The following VRK2 variants were observed in gnomAD, a reference collection of about 807,000 sequenced individuals.
The protein encoded by VRK2 is serine/threonine-protein kinase VRK2.
VRK2 carries 60 observed loss-of-function variants against 57.6 expected under a neutral mutation model. That is an observed-to-expected ratio of 1.04 (90% CI 0.85 to 1.29). The LOEUF is 1.29. Ranked by LOEUF, VRK2 falls within the 50% of genes most tolerant of loss-of-function variation. The probability of loss-of-function intolerance (pLI) is 0.00; values close to 1 mark genes in which losing one functional copy is unlikely to be tolerated. For missense variants in VRK2, 705 were observed against 588.1 expected, an observed-to-expected ratio of 1.20 and a Z score of -2.06; for synonymous variants, 231 against 199.2, an observed-to-expected ratio of 1.16 and a Z score of -1.35.
chr2:57,987,613 C>T (rs763916129), intron 1 of VRK2, among the ~76,000 whole-genome samples: 3 of 152,108 alleles, frequency 2.0e-5, no homozygotes, highest in Non-Finnish European at 4.4e-5. Context: ...ATAAATTAAA[C>T]ATACACGAAC....
intron 7 of VRK2, among the ~76,000 whole-genome samples, chr2:58,114,971 A>G (rs968029637): frequency 6.6e-6 from 1 of 152,142 alleles, no homozygotes; most frequent in Non-Finnish European, 1.5e-5. Context: ...CTGGAGCTTG[A>G]TGTGTAGGGA....
intron 5 of VRK2, 96 bp downstream of exon 5, chr2:58,086,522 A>T: frequency 9.4e-7 from 1 of 1,061,748 alleles, no homozygotes; most frequent in Non-Finnish European, 1.3e-6. Flanking sequence ...ACCAAAACAT[A>T]TTGGCATATA....
At chr2:57,911,038 CTT>C (rs200652554) in intron 1 of VRK2, among the ~76,000 whole-genome samples, 60 of 142,092 alleles carry the variant, frequency 4.2e-4, no homozygotes, top group African/African-American at 6.6e-4. Flanking sequence ...TTTTTTGGGT[CTT>C]TTTTTTTTTT....
At chr2:58,080,590 T>C (rs1386335297) in intron 2 of VRK2, among the ~76,000 whole-genome samples, 2 of 151,906 alleles carry the variant, frequency 1.3e-5, no homozygotes, top group African/African-American at 4.8e-5. Context: ...ACCATTCCTT[T>C]TGTGATTAGG....
rs1045413299 is a variant in VRK2 at position 58,137,266 on chromosome 2, T to G, written c.856+2067T>G. On this transcript the variant is annotated intron_variant, in intron 10 of 12. Coordinates refer to ENST00000340157, the MANE Select transcript of VRK2 (RefSeq NM_006296.7). ...TCATATATATGATATATATGATATA[T>G]ATGTGTTTGTATATATATCTCTTAC... Among the ~76,000 whole-genome samples, 158 of 111,322 alleles carry G rather than the reference T, an allele frequency of 1.4e-3. 2 individuals carry two copies. Among genetic ancestry groups the G allele is most frequent in the Non-Finnish European group, 8.5e-4 (45 of 52,760 alleles). 73.0% of individuals were successfully genotyped at this position (111,322 alleles called of 152,430 possible).
intron 1 of VRK2, among the ~76,000 whole-genome samples, chr2:57,984,548 A>G (rs1016882682): frequency 1.3e-5 from 2 of 152,106 alleles, no homozygotes; most frequent in Admixed American, 6.5e-5. Context: ...TAAAAGTTTG[A>G]TAAAATGCAA....
chr2:57,955,188 G>A (rs1174076746), intron 1 of VRK2, among the ~76,000 whole-genome samples: 2 of 152,084 alleles, frequency 1.3e-5, no homozygotes, highest in Admixed American at 6.6e-5. Context: ...ATTTGAACAA[G>A]ATTAATTTAA....
At chr2:58,082,618 T>G (rs1671051116) in intron 2 of VRK2, among the ~76,000 whole-genome samples, 1 of 139,794 alleles carries the variant, frequency 7.2e-6, no homozygotes, top group South Asian at 2.1e-4. Flanking sequence ...GTGTATACTT[T>G]CTTAAGTTTT....
intron 1 of VRK2, among the ~76,000 whole-genome samples, chr2:57,964,843 G>T (rs771478630): frequency 1.7e-4 from 20 of 120,626 alleles, no homozygotes; most frequent in Admixed American, 2.4e-4. Flanking sequence ...TTGCACCACT[G>T]CACTCCAGCC....
chr2:57,984,375 T>C (rs1437471202), intron 1 of VRK2, among the ~76,000 whole-genome samples: 1 of 152,116 alleles, frequency 6.6e-6, no homozygotes, highest in Non-Finnish European at 1.5e-5. Flanking sequence ...GTTTTAAGTA[T>C]GTTAAGAGAA....
chr2:57,993,725 G>A (rs1233610192), intron 1 of VRK2, among the ~76,000 whole-genome samples: 1 of 152,156 alleles, frequency 6.6e-6, no homozygotes, highest in Non-Finnish European at 1.5e-5. Context: ...ACCTCTCTCT[G>A]GGGATGCTTC....
In VRK2 at chr2:58,137,201, T is replaced by TATGATA. The variant is rs1558687059; in HGVS notation, c.856+2002_856+2003insATGATA. ...ATATATCATATATGATACATATATA[T>TATGATA]CTCATATATGATACATATATATCAT... On this transcript the variant is annotated intron_variant, in intron 10 of 12. Coordinates refer to ENST00000340157, the MANE Select transcript of VRK2 (RefSeq NM_006296.7). Among the ~76,000 whole-genome samples the TATGATA allele has an allele frequency of 3.7e-3, 95 of 25,954 alleles. 2 individuals are homozygous for TATGATA. Among genetic ancestry groups the TATGATA allele is most frequent in the African/African-American group, 0.01 (54 of 5,392 alleles). 17.0% of individuals were successfully genotyped at this position (25,954 alleles called of 152,430 possible). A position where few individuals can be genotyped will look rare whatever the true frequency, so the allele number is the denominator to read the frequency against.
chr2:58,017,682 G>A (rs1417907412), intron 1 of VRK2, among the ~76,000 whole-genome samples: 1 of 151,986 alleles, frequency 6.6e-6, no homozygotes, highest in Non-Finnish European at 1.5e-5. Context: ...TCTTTTTTAT[G>A]GGAGATCTTT....
At chr2:57,940,871 C>T (rs1180095749) in intron 1 of VRK2, among the ~76,000 whole-genome samples, 2 of 151,626 alleles carry the variant, frequency 1.3e-5, no homozygotes, top group Admixed American at 6.6e-5. Context: ...TAGAACTCAT[C>T]TGCATCCTGC....
intron 1 of VRK2, among the ~76,000 whole-genome samples, chr2:57,949,381 A>G (rs552572871): frequency 1.9e-4 from 29 of 152,274 alleles, no homozygotes; most frequent in African/African-American, 7.0e-4. Flanking sequence ...TTTTCTCTGT[A>G]TCACATTTTG....
intron 1 of VRK2, among the ~76,000 whole-genome samples, chr2:57,952,199 T>C (rs1346879888): frequency 6.6e-6 from 1 of 152,114 alleles, no homozygotes; most frequent in Non-Finnish European, 1.5e-5. Context: ...AACATAACTT[T>C]TATATGCACT....
chr2:58,037,201 T>A (rs1258215348), intron 3 of VRK2, among the ~76,000 whole-genome samples: 1 of 151,938 alleles, frequency 6.6e-6, no homozygotes, highest in Non-Finnish European at 1.5e-5. Flanking sequence ...CTTCCAAAGT[T>A]CTGAGATTAC....
At chr2:58,149,996 CTTTTTTTTTTTT>C (rs55783668) in intron 12 of VRK2, among the ~76,000 whole-genome samples, 2 of 108,346 alleles carry the variant, frequency 1.8e-5, no homozygotes, top group Non-Finnish European at 3.9e-5. Context: ...TTTTTCTTTT[CTTTTTTTTTTTT>C]TTTTTTGCAA....
intron 1 of VRK2, among the ~76,000 whole-genome samples, chr2:58,020,001 CAT>C: frequency 6.6e-6 from 1 of 152,152 alleles, no homozygotes; most frequent in Admixed American, 6.5e-5. Context: ...TACGAATAAA[CAT>C]ATTAAAACAT....
Sources: allele counts gnomAD v4.1 joint callset (sites outside exome capture counted in the v4.1 genomes callset), GRCh38; gene constraint gnomAD v4.1.1; transcripts MANE v1.5; gene names NCBI Gene and HGNC (gene_info 2026-07-23, HGNC 2026-07-21).